Variants in C1orf21 observed in about 807,000 individuals in gnomAD.
C1orf21 encodes uncharacterized protein C1orf21.
Under a neutral mutation model 18.7 loss-of-function variants are expected in C1orf21, and 3 were observed. The ratio of observed to expected loss-of-function variants is 0.16; its 90% CI spans 0.07 to 0.42. The LOEUF (loss-of-function observed/expected upper bound fraction) is 0.42. C1orf21 is among the 10% of genes least tolerant of loss of function. C1orf21 has a pLI of 0.99. For missense variants in C1orf21, 104 were observed against 143.6 expected, an observed-to-expected ratio of 0.72 and a Z score of 1.41; for synonymous variants, 41 against 46.4, an observed-to-expected ratio of 0.88 and a Z score of 0.47.
chr1:184,423,856 A>C (rs1656586139), intron 1 of C1orf21, among the ~76,000 whole-genome samples: 1 of 133,914 alleles, frequency 7.5e-6, no homozygotes, highest in Non-Finnish European at 1.6e-5. Context: ...CCATCCACCC[A>C]TCGTCCATCC....
intron 3 of C1orf21, among the ~76,000 whole-genome samples, chr1:184,536,857 A>AAG (rs1658564854): frequency 6.6e-6 from 1 of 151,830 alleles, no homozygotes; most frequent in African/African-American, 2.4e-5. Flanking sequence ...GGAAAAAAAA[A>AAG]AAAAGATTAC....
intron 3 of C1orf21, among the ~76,000 whole-genome samples, chr1:184,576,624 C>G (rs1281829728): frequency 6.6e-6 from 1 of 152,228 alleles, no homozygotes; most frequent in Non-Finnish European, 1.5e-5. Context: ...AGCTTCAGGC[C>G]CACCCTTGTG....
At chr1:184,401,909 C>T (rs1656158801) in intron 1 of C1orf21, among the ~76,000 whole-genome samples, 2 of 151,602 alleles carry the variant, frequency 1.3e-5, no homozygotes, top group Admixed American at 6.6e-5. Flanking sequence ...ATTCTTTTTT[C>T]ATGCTAAGTT....
intron 3 of C1orf21, among the ~76,000 whole-genome samples, chr1:184,560,398 A>G (rs930605279): frequency 2.6e-5 from 4 of 152,226 alleles, no homozygotes; most frequent in Non-Finnish European, 5.9e-5. Flanking sequence ...ATAAACCACT[A>G]GAATGAATAA....
At chr1:184,550,584 G>T (rs1185566036) in intron 3 of C1orf21, among the ~76,000 whole-genome samples, 1 of 152,160 alleles carries the variant, frequency 6.6e-6, no homozygotes, top group Non-Finnish European at 1.5e-5. Context: ...ACCCAGGCTG[G>T]AGTGCAGTGG....
At chr1:184,445,343 C>CCTCTCTCT (rs57710614) in intron 1 of C1orf21, among the ~76,000 whole-genome samples, 8,574 of 134,758 alleles carry the variant, frequency 0.064, 312 homozygotes, top group East Asian at 0.11. Flanking sequence ...TTTTTTCAGA[C>CCTCTCTCT]CTCTCTCTCT....
At chr1:184,391,511 T>C (rs1298034370) in intron 1 of C1orf21, among the ~76,000 whole-genome samples, 1 of 152,170 alleles carries the variant, frequency 6.6e-6, no homozygotes, top group Non-Finnish European at 1.5e-5. Flanking sequence ...TGGAATGGAA[T>C]TTACCTAATT....
rs78181717 is a variant in C1orf21 at position 184,506,681 on chromosome 1, A to G, written c.95-907A>G. Among the ~76,000 whole-genome samples, 1,247 of 152,264 alleles carry G rather than the reference A, an allele frequency of 8.2e-3. 14 individuals carry two copies. The highest frequency in any genetic ancestry group is 0.029 in the African/African-American group (1,186 of 41,562). On this transcript the variant is annotated intron_variant, in intron 2 of 5. Coordinates refer to ENST00000235307, the MANE Select transcript of C1orf21 (RefSeq NM_030806.4). ...TTAAGAATGATTCAGAGTCACACCT[A>G]TTTTTGACTTTAGTGCGCTCAAATC...
chr1:184,466,983 C>T (rs1657408076), intron 1 of C1orf21, among the ~76,000 whole-genome samples: 1 of 152,076 alleles, frequency 6.6e-6, no homozygotes, highest in South Asian at 2.1e-4. Flanking sequence ...TTCCATTATA[C>T]TGGTATGAAA....
At chr1:184,508,899 C>T (rs1418783595) in intron 3 of C1orf21, among the ~76,000 whole-genome samples, 1 of 152,096 alleles carries the variant, frequency 6.6e-6, no homozygotes, top group East Asian at 1.9e-4. Flanking sequence ...GTTAATATTA[C>T]CATACTGCCT....
intron 2 of C1orf21, among the ~76,000 whole-genome samples, chr1:184,487,402 C>T (rs1198938742): frequency 2.6e-5 from 4 of 152,238 alleles, no homozygotes. Flanking sequence ...CTTTTTCAAA[C>T]GTAATTATTA....
At chr1:184,415,459 T>A (rs1656434604) in intron 1 of C1orf21, among the ~76,000 whole-genome samples, 1 of 152,164 alleles carries the variant, frequency 6.6e-6, no homozygotes, top group Non-Finnish European at 1.5e-5. Context: ...GCCCTGAAAT[T>A]TGCTTATTTT....
At chr1:184,395,444 C>A (rs370114634) in intron 1 of C1orf21, among the ~76,000 whole-genome samples, 1 of 152,214 alleles carries the variant, frequency 6.6e-6, no homozygotes, top group African/African-American at 2.4e-5. Flanking sequence ...GGGACCTAAT[C>A]TTTGTTATTC....
At chr1:184,477,909 TTG>T (rs779337138) in intron 2 of C1orf21, among the ~76,000 whole-genome samples, 163 of 152,350 alleles carry the variant, frequency 1.1e-3, no homozygotes, top group Middle Eastern at 6.8e-3. Flanking sequence ...CCTTTCATTT[TTG>T]TGACAGTGAA....
At chr1:184,606,516 G>A (rs1659649042) in intron 5 of C1orf21, among the ~76,000 whole-genome samples, 1 of 151,888 alleles carries the variant, frequency 6.6e-6, no homozygotes, top group South Asian at 2.1e-4. Context: ...GGAGTTTGAG[G>A]TGGCAGTGAG....
chr1:184,477,714 C>G, intron 2 of C1orf21, 111 bp downstream of exon 2: 1 of 816,634 alleles, frequency 1.2e-6, no homozygotes. Context: ...TATTTTGTTA[C>G]ATGCCTAGAA....
rs886877899 is a variant in C1orf21 at position 184,554,674 on chromosome 1, A to G, written c.190-36065A>G. Reference sequence around the variant, plus strand: ...CATTCAGTGAATAAAACAAACACCAATTCAAGGAAATCTGTATAACAAATG... The same window carrying G: ...CATTCAGTGAATAAAACAAACACCAGTTCAAGGAAATCTGTATAACAAATG... On this transcript the variant is annotated intron_variant, in intron 3 of 5. Transcript: ENST00000235307. Among the ~76,000 whole-genome samples the G allele has an allele frequency of 7.2e-5, 11 of 152,252 alleles. No homozygotes were observed. The South Asian group carries it at 1.0e-3, about 14-fold the overall frequency.
intron 3 of C1orf21, among the ~76,000 whole-genome samples, chr1:184,548,251 A>ACACACT (rs1041728584): frequency 6.8e-6 from 1 of 147,088 alleles, no homozygotes; most frequent in South Asian, 2.2e-4. Context: ...ACACACACAC[A>ACACACT]CACACTCACA....
chr1:184,506,962 A>G (rs1658071596), intron 2 of C1orf21, among the ~76,000 whole-genome samples: 1 of 151,430 alleles, frequency 6.6e-6, no homozygotes, highest in Middle Eastern at 3.2e-3. Context: ...AGATTGAATT[A>G]AAGTGTATAT....
Sources: gnomAD v4.1 joint callset for allele counts (sites outside exome capture counted in the v4.1 genomes callset) on GRCh38, gnomAD v4.1.1 for gene constraint, MANE v1.5 for transcripts, NCBI Gene and HGNC (gene_info 2026-07-23, HGNC 2026-07-21) for gene names.